ILRUN: variants seen among roughly 807,000 people sequenced by gnomAD.
ILRUN encodes inflammation and lipid regulator with UBA-like and NBR1-like domains.
Under a neutral mutation model 33.8 loss-of-function variants are expected in ILRUN, and 3 were observed. That is an observed-to-expected ratio of 0.09 (90% CI 0.04 to 0.23). The LOEUF is 0.23. Ranked by LOEUF, ILRUN falls within the 10% of genes least tolerant of loss-of-function variation. The pLI is 1.00. For synonymous variants in ILRUN, 124 were observed against 138.9 expected (o/e 0.89, Z 0.75); for missense variants, 210 against 375.1 (o/e 0.56, Z 3.64).
intron 3 of ILRUN, among the ~76,000 whole-genome samples, chr6:34,637,861 C>CTGTTGTTGT (rs1333075451): frequency 3.9e-4 from 40 of 102,052 alleles, no homozygotes; most frequent in African/African-American, 1.4e-3. Flanking sequence ...GCTGCTGCTG[C>CTGTTGTTGT]TGCTGTTGTT....
chr6:34,663,848 G>C (rs114087651), intron 1 of ILRUN, among the ~76,000 whole-genome samples: 2 of 152,110 alleles, frequency 1.3e-5, no homozygotes, highest in Non-Finnish European at 2.9e-5. Flanking sequence ...AAGTTATATC[G>C]CAAAGAGGAA....
intron 3 of ILRUN, among the ~76,000 whole-genome samples, chr6:34,640,983 G>T (rs150198965): frequency 6.7e-6 from 1 of 148,896 alleles, no homozygotes; most frequent in Non-Finnish European, 1.5e-5. Context: ...GGAGCCTGAG[G>T]CAAGAGAATC....
At chr6:34,620,436 G>A (rs1227750796) in intron 3 of ILRUN, among the ~76,000 whole-genome samples, 2 of 152,138 alleles carry the variant, frequency 1.3e-5, no homozygotes, top group African/African-American at 4.8e-5. Context: ...TAACGTCTGA[G>A]GATCGGGTAT....
intron 2 of ILRUN, among the ~76,000 whole-genome samples, chr6:34,654,269 G>A (rs941266630): frequency 6.6e-6 from 1 of 152,032 alleles, no homozygotes; most frequent in Admixed American, 6.6e-5. Context: ...GGAAATGACT[G>A]GAAGATTAAT....
chr6:34,687,933 C>T (rs953093810), intron 1 of ILRUN, among the ~76,000 whole-genome samples: 1 of 151,658 alleles, frequency 6.6e-6, no homozygotes, highest in Non-Finnish European at 1.5e-5. Flanking sequence ...GATACATACC[C>T]AAAGGAACTA....
At chr6:34,645,401 C>T (rs1044187667) in intron 3 of ILRUN, among the ~76,000 whole-genome samples, 1 of 151,980 alleles carries the variant, frequency 6.6e-6, no homozygotes, top group African/African-American at 2.4e-5. Flanking sequence ...TTGAGACAGG[C>T]GCTCACTCTG....
chr6:34,667,939 G>A (rs1763038083), intron 1 of ILRUN, among the ~76,000 whole-genome samples: 1 of 152,080 alleles, frequency 6.6e-6, no homozygotes, highest in African/African-American at 2.4e-5. Context: ...GGGCAATTCT[G>A]GGAACAAATT....
intron 1 of ILRUN, among the ~76,000 whole-genome samples, chr6:34,656,758 C>T (rs913764928): frequency 6.6e-6 from 1 of 152,168 alleles, no homozygotes; most frequent in African/African-American, 2.4e-5. Context: ...GAAAGGAAGG[C>T]TATAATTAGA....
intron 2 of ILRUN, among the ~76,000 whole-genome samples, chr6:34,647,173 T>C (rs1395914767): frequency 6.6e-6 from 1 of 152,214 alleles, no homozygotes; most frequent in East Asian, 1.9e-4. Context: ...CTCTCTCTAC[T>C]AAAAGGTAAC....
chr6:34,624,514 A>T (rs550423716), intron 3 of ILRUN, among the ~76,000 whole-genome samples: 1 of 150,218 alleles, frequency 6.7e-6, no homozygotes, highest in East Asian at 2.0e-4. Flanking sequence ...TTTTTTTTTT[A>T]GTAAAGATGG....
intron 3 of ILRUN, among the ~76,000 whole-genome samples, chr6:34,625,033 C>G (rs191941897): frequency 6.6e-6 from 1 of 152,272 alleles, no homozygotes; most frequent in African/African-American, 2.4e-5. Context: ...ACCAGCAGAA[C>G]AAATAACATA....
At chr6:34,651,639 T>C (rs1214852576) in intron 2 of ILRUN, among the ~76,000 whole-genome samples, 1 of 151,918 alleles carries the variant, frequency 6.6e-6, no homozygotes, top group Non-Finnish European at 1.5e-5. Flanking sequence ...ATTTTCATTG[T>C]TTTCACTATT....
At chr6:34,683,475 C>CATATATATACATATATATATACATAT (rs1763436471) in intron 1 of ILRUN, among the ~76,000 whole-genome samples, 5 of 79,894 alleles carry the variant, frequency 6.3e-5, no homozygotes, top group East Asian at 3.9e-4. Context: ...TATATATACA[C>CATATATATACATATATATATACATAT]ATATATATAT....
Position 34,654,716 on chromosome 6 carries a change from A to G in ILRUN, c.222T>C (p.Ser74=). ...DFESPNISVP[S]MSFVEDVTIG... is the part of the protein sequence containing the mutation. ...TGGTGACATCTTCAACAAAGGACAT[A>G]GAGGGCACACTGATGTTTGGGCTCT... Residue 74 remains serine, a synonymous_variant, in exon 2 of 5, where the codon TCT becomes TCC. Coordinates refer to ENST00000374023, the MANE Select transcript of ILRUN (RefSeq NM_024294.4). 2 of 1,614,134 alleles carry G rather than the reference A, an allele frequency of 1.2e-6. No homozygotes were observed. The highest frequency in any genetic ancestry group is 2.7e-5 in the African/African-American group (2 of 75,056).
intron 3 of ILRUN, chr6:34,616,443 C>T: frequency 3.3e-6 from 2 of 611,724 alleles, no homozygotes; most frequent in Non-Finnish European, 5.8e-6. Flanking sequence ...TGTGTACTGT[C>T]TAGCTTCAGT....
chr6:34,611,185 G>C (rs1761745044), intron 3 of ILRUN, among the ~76,000 whole-genome samples: 1 of 150,174 alleles, frequency 6.7e-6, no homozygotes, highest in Admixed American at 6.7e-5. Flanking sequence ...GGGCTCAAGC[G>C]ATCCTCCTGG....
rs749114775 is a variant in ILRUN at position 34,637,864 on chromosome 6, C to CTGCTGCTGCTGTTGT, written c.511+8736_511+8737insACAACAGCAGCAGCA. ...GTTGTTGCTGCTGCTGCTGCTGCTG[C>CTGCTGCTGCTGTTGT]TGTTGTTGTTGTTGTTGTTGTTGTT... On this transcript the variant is annotated intron_variant, in intron 3 of 4. Transcript: ENST00000374023. Among the ~76,000 whole-genome samples the CTGCTGCTGCTGTTGT allele has an allele frequency of 2.2e-3, 318 of 142,014 alleles. 2 individuals are homozygous for CTGCTGCTGCTGTTGT. The highest frequency in any genetic ancestry group is 5.3e-3 in the African/African-American group (194 of 36,888). The allele number at this position is 142,014 out of a possible 152,430, so 93.2% of individuals were successfully genotyped here.
At chr6:34,688,965 A>C (rs1213379472) in intron 1 of ILRUN, among the ~76,000 whole-genome samples, 1 of 151,946 alleles carries the variant, frequency 6.6e-6, no homozygotes, top group Non-Finnish European at 1.5e-5. Flanking sequence ...CCATCTCAAA[A>C]AAGAAAAGAA....
chr6:34,683,501 T>C (rs111863819), intron 1 of ILRUN, among the ~76,000 whole-genome samples: 11,133 of 88,812 alleles, frequency 0.13, 600 homozygotes, highest in African/African-American at 0.2. Flanking sequence ...TATATATACA[T>C]ATATATATAT....
Sources: gnomAD v4.1 joint callset for allele counts (sites outside exome capture counted in the v4.1 genomes callset) on GRCh38, gnomAD v4.1.1 for gene constraint, MANE v1.5 for transcripts, NCBI Gene and HGNC (gene_info 2026-07-23, HGNC 2026-07-21) for gene names.